Variants in CFAP276 observed in about 807,000 individuals in gnomAD.
CFAP276 encodes cilia- and flagella-associated protein 276.
chr1:109,107,223 C>G, the CFAP276 span: 1 of 837,462 alleles, frequency 1.2e-6, no homozygotes, highest in Non-Finnish European at 2.0e-6. Flanking sequence ...ATAGTGAAGG[C>G]TCTCTTGGGC....
chr1:109,107,725 C>CAAAA, the CFAP276 span, among the ~76,000 whole-genome samples: 1 of 143,576 alleles, frequency 7.0e-6, no homozygotes, highest in African/African-American at 2.6e-5. Flanking sequence ...CTCATCTCTT[C>CAAAA]AAAAAAAAAA....
chr1:109,113,591 G>A, the CFAP276 span: 1 of 1,605,346 alleles, frequency 6.2e-7, no homozygotes, highest in Non-Finnish European at 8.5e-7. Flanking sequence ...TTGGCGGGAT[G>A]TAAGATCTCC....
chr1:109,110,637 C>T, the CFAP276 span, among the ~76,000 whole-genome samples: 3 of 152,204 alleles, frequency 2.0e-5, no homozygotes, highest in Non-Finnish European at 4.4e-5. Flanking sequence ...TTTTACTTTT[C>T]TTATGCTCAC....
chr1:109,106,555 T>G, the CFAP276 span: 1 of 1,614,052 alleles, frequency 6.2e-7, no homozygotes. Flanking sequence ...TTGGATGCTG[T>G]GGATGGACTC....
chr1:109,108,120 A>G, the CFAP276 span: 1 of 964,358 alleles, frequency 1.0e-6, no homozygotes. Context: ...GCATCCCCTT[A>G]TTCCATCCAG....
chr1:109,110,238 G>A, the CFAP276 span, among the ~76,000 whole-genome samples: 12 of 151,996 alleles, frequency 7.9e-5, no homozygotes, highest in Non-Finnish European at 1.6e-4. Context: ...TTTCTTTGTC[G>A]TGGTCTAGCT....
At chr1:109,106,576 T>C in the CFAP276 span, 1 of 1,614,056 alleles carries the variant, frequency 6.2e-7, no homozygotes, top group Non-Finnish European at 8.5e-7. Context: ...CTTTTTAGGG[T>C]TGATCCAGTG....
At chr1:109,113,079 G>A in the CFAP276 span, among the ~76,000 whole-genome samples, 1 of 152,166 alleles carries the variant, frequency 6.6e-6, no homozygotes, top group African/African-American at 2.4e-5. Context: ...AAAGCCATGA[G>A]AGAATGAGGA....
At chr1:109,106,802 T>G in the CFAP276 span, 20 of 1,054,710 alleles carry the variant, frequency 1.9e-5, no homozygotes, top group Admixed American at 3.9e-4. Flanking sequence ...AGATTTTGTT[T>G]ATACAGATGA....
At chr1:109,113,467 A>AGAGAGAGAGAGAGAGAGAG in the CFAP276 span, among the ~76,000 whole-genome samples, 1 of 126,320 alleles carries the variant, frequency 7.9e-6, no homozygotes, top group Non-Finnish European at 1.7e-5. Flanking sequence ...AGAGAGAGAG[A>AGAGAGAGAGAGAGAGAGAG]GGCCCACGTG....
At chr1:109,110,917 C>G in the CFAP276 span, among the ~76,000 whole-genome samples, 1 of 152,164 alleles carries the variant, frequency 6.6e-6, no homozygotes, top group East Asian at 1.9e-4. Flanking sequence ...CAGCAGCTAT[C>G]CTAGACTCAC....
chr1:109,107,331 C>G, the CFAP276 span, among the ~76,000 whole-genome samples: 1 of 152,170 alleles, frequency 6.6e-6, no homozygotes, highest in African/African-American at 2.4e-5. Context: ...GTGGTGAGCT[C>G]TCACTGGAGA....
At chr1:109,113,434 G>A in the CFAP276 span, among the ~76,000 whole-genome samples, 3 of 123,506 alleles carry the variant, frequency 2.4e-5, no homozygotes, top group Non-Finnish European at 3.6e-5. Flanking sequence ...GAGAGAGAGA[G>A]AGAGAGAGAG....
chr1:109,113,754 G>A, the CFAP276 span: 3 of 1,520,020 alleles, frequency 2.0e-6, no homozygotes, highest in Non-Finnish European at 2.7e-6. Flanking sequence ...CGAAAGGGCA[G>A]TAGAAAACGG....
the CFAP276 span, among the ~76,000 whole-genome samples, chr1:109,113,466 GA>G: frequency 6.3e-5 from 8 of 126,500 alleles, no homozygotes; most frequent in East Asian, 2.3e-4. Flanking sequence ...GAGAGAGAGA[GA>G]GGCCCACGTG....
chr1:109,111,097 A>G, the CFAP276 span, among the ~76,000 whole-genome samples: 1 of 151,660 alleles, frequency 6.6e-6, no homozygotes, highest in Non-Finnish European at 1.5e-5. Flanking sequence ...CTCTTGTCTC[A>G]CTCTCATCCT....
At chr1:109,111,687 C>A in the CFAP276 span, among the ~76,000 whole-genome samples, 1 of 152,164 alleles carries the variant, frequency 6.6e-6, no homozygotes, top group South Asian at 2.1e-4. Context: ...GTATTTGCAC[C>A]TGCTGCTTCC....
chr1:109,106,019 C>A, the CFAP276 span: 1 of 1,606,696 alleles, frequency 6.2e-7, no homozygotes, highest in Non-Finnish European at 8.5e-7. Flanking sequence ...GTTCAGGGAT[C>A]TGTCAACACT....
At chr1:109,111,486 T>C in the CFAP276 span, among the ~76,000 whole-genome samples, 5 of 145,826 alleles carry the variant, frequency 3.4e-5, no homozygotes, top group South Asian at 1.1e-3. Context: ...AAAAAAAAAA[T>C]ATCCCACAAT....
Sources: gnomAD v4.1 joint callset for allele counts (sites outside exome capture counted in the v4.1 genomes callset) on GRCh38, gnomAD v4.1.1 for gene constraint, MANE v1.5 for transcripts, NCBI Gene and HGNC (gene_info 2026-07-23, HGNC 2026-07-21) for gene names.